Variants in CEP170 observed in about 807,000 individuals in gnomAD.
The protein encoded by CEP170 is centrosomal protein 170.
A neutral mutation model predicts 151.9 loss-of-function variants in CEP170; 21 were observed. The observed-to-expected ratio is 0.14, with a 90% CI of 0.10 to 0.20. CEP170 has a LOEUF of 0.20. Among genes scored for constraint, CEP170 ranks in the 10% least tolerant of loss-of-function variants. The pLI is 1.00. For synonymous variants in CEP170, 356 were observed against 648.8 expected (o/e 0.55, Z 6.86); for missense variants, 964 against 1,892.9 (o/e 0.51, Z 9.11).
At chr1:243,140,744 G>GTTT (rs2055744345) in intron 15 of CEP170, among the ~76,000 whole-genome samples, 1 of 152,088 alleles carries the variant, frequency 6.6e-6, no homozygotes, top group Non-Finnish European at 1.5e-5. Context: ...ACTGAAGAGG[G>GTTT]ACTCAACCTA....
chr1:243,215,237 C>T (rs2062160163), intron 3 of CEP170, among the ~76,000 whole-genome samples: 1 of 152,020 alleles, frequency 6.6e-6, no homozygotes, highest in African/African-American at 2.4e-5. Context: ...GTTAACTGCA[C>T]AAATTGTTTA....
chr1:243,138,322 T>A (rs2055381915), intron 16 of CEP170, among the ~76,000 whole-genome samples: 1 of 150,302 alleles, frequency 6.7e-6, no homozygotes, highest in Non-Finnish European at 1.5e-5. Flanking sequence ...AATCAACTAT[T>A]AGGCCAGGAC....
chr1:243,142,839 T>C (rs1319506664), intron 14 of CEP170, among the ~76,000 whole-genome samples: 1 of 152,160 alleles, frequency 6.6e-6, no homozygotes, highest in Non-Finnish European at 1.5e-5. Context: ...TACAATGTAT[T>C]CACTAACCTC....
At chr1:243,235,997 C>T (rs970491651) in intron 1 of CEP170, among the ~76,000 whole-genome samples, 1 of 152,114 alleles carries the variant, frequency 6.6e-6, no homozygotes, top group East Asian at 1.9e-4. Context: ...ACTGTACTAC[C>T]CTCATTAAAG....
chr1:243,221,660 G>T (rs1174765428), intron 3 of CEP170, 64 bp downstream of exon 3: 7 of 1,442,666 alleles, frequency 4.9e-6, no homozygotes, highest in Non-Finnish European at 6.6e-6. Context: ...AATGTAATCT[G>T]ATTTTTATTC....
chr1:243,246,984 C>T (rs143376789), intron 1 of CEP170, among the ~76,000 whole-genome samples: 94 of 152,222 alleles, frequency 6.2e-4, no homozygotes, highest in Non-Finnish European at 1.1e-3. Flanking sequence ...TCCTTTTTCA[C>T]CAAAATAAGT....
chr1:243,218,542 T>A (rs1006482787), intron 3 of CEP170, among the ~76,000 whole-genome samples: 3 of 152,200 alleles, frequency 2.0e-5, no homozygotes, highest in Non-Finnish European at 4.4e-5. Flanking sequence ...AAATTGTAGA[T>A]CTAGGTCCCT....
chr1:243,178,148 GC>G (rs1466123960), intron 10 of CEP170, among the ~76,000 whole-genome samples: 32 of 151,882 alleles, frequency 2.1e-4, no homozygotes, highest in Non-Finnish European at 8.8e-5. Context: ...GGCCAACATG[GC>G]AAAACCCCAT....
chr1:243,225,000 CTT>C (rs993714617), intron 2 of CEP170, among the ~76,000 whole-genome samples, 174 bp downstream of exon 2: 1 of 152,120 alleles, frequency 6.6e-6, no homozygotes, highest in African/African-American at 2.4e-5. Flanking sequence ...ATCTTCAAGA[CTT>C]AGAACTTTTT....
intron 10 of CEP170, among the ~76,000 whole-genome samples, chr1:243,180,851 T>C (rs1429865510): frequency 1.3e-5 from 2 of 152,176 alleles, no homozygotes; most frequent in East Asian, 3.8e-4. Flanking sequence ...CTGTTGCTTA[T>C]AGAACCAGCA....
chr1:243,195,745 T>C (rs1440640681), intron 7 of CEP170, among the ~76,000 whole-genome samples: 2 of 152,120 alleles, frequency 1.3e-5, no homozygotes, highest in Non-Finnish European at 1.5e-5. Context: ...ACACTTGATA[T>C]ACATTTCAAA....
chr1:243,141,817 T>C (rs2055866294), intron 15 of CEP170, among the ~76,000 whole-genome samples: 1 of 152,244 alleles, frequency 6.6e-6, no homozygotes, highest in Non-Finnish European at 1.5e-5. Context: ...ATTACATATG[T>C]ATTTCAATTT....
chr1:243,139,480 A>C (rs2055564865), intron 16 of CEP170, among the ~76,000 whole-genome samples: 1 of 152,038 alleles, frequency 6.6e-6, no homozygotes, highest in Non-Finnish European at 1.5e-5. Flanking sequence ...ATGTTTTGCA[A>C]AAGTTTGTAA....
intron 8 of CEP170, among the ~76,000 whole-genome samples, chr1:243,187,142 G>A (rs1388073265): frequency 1.3e-5 from 2 of 152,096 alleles, no homozygotes; most frequent in East Asian, 1.9e-4. Context: ...CTAGATCTAA[G>A]GACCACTGGG....
intron 1 of CEP170, among the ~76,000 whole-genome samples, chr1:243,252,376 A>T (rs1486625246): frequency 6.6e-6 from 1 of 152,196 alleles, no homozygotes; most frequent in Non-Finnish European, 1.5e-5. Flanking sequence ...TCAGGAATAC[A>T]ATTTTGTGGA....
At chr1:243,134,237 A>G (rs886369236) in intron 17 of CEP170, among the ~76,000 whole-genome samples, 18 of 152,324 alleles carry the variant, frequency 1.2e-4, no homozygotes, top group African/African-American at 4.3e-4. Flanking sequence ...AAATTTCATG[A>G]GAACAGGGGT....
chr1:243,168,831 CAGAAATATAAAAGGTA>C, intron 12 of CEP170, among the ~76,000 whole-genome samples: 3 of 151,670 alleles, frequency 2.0e-5, no homozygotes, highest in Non-Finnish European at 4.4e-5. Context: ...TTTCTGTTCA[CAGAAATATAAAAGGTA>C]ATAAAAGTCA....
chr1:243,147,613 C>T, intron 14 of CEP170, among the ~76,000 whole-genome samples: 1 of 152,204 alleles, frequency 6.6e-6, no homozygotes, highest in East Asian at 1.9e-4. Flanking sequence ...TATAAACAAG[C>T]AATACTGACT....
At position 243,140,268 on chromosome 1, in the gene CEP170, A is replaced by G; in HGVS notation, c.4060-161T>C. The G allele has an allele frequency of 2.8e-6, 3 of 1,078,862 alleles. No homozygotes were observed. In the South Asian group the frequency reaches 7.8e-5, roughly 28 times the overall value. The allele number at this position is 1,078,862 out of a possible 1,614,324, so 66.8% of individuals were successfully genotyped here. On this transcript the variant is annotated intron_variant, in intron 15 of 19. Transcript: ENST00000366542. ...CCAATTACTCTTTCTTTTTATAAGCACTTCAAATGTATTTCCTTTATAAAA... is the reference window on the plus strand; with the variant it reads ...CCAATTACTCTTTCTTTTTATAAGCGCTTCAAATGTATTTCCTTTATAAAA...
Sources: gnomAD v4.1 joint callset for allele counts (sites outside exome capture counted in the v4.1 genomes callset) on GRCh38, gnomAD v4.1.1 for gene constraint, MANE v1.5 for transcripts, NCBI Gene and HGNC (gene_info 2026-07-23, HGNC 2026-07-21) for gene names.